The following KIAA1549 variants were observed in gnomAD, a reference collection of about 807,000 sequenced individuals.
The protein encoded by KIAA1549 is UPF0606 protein KIAA1549.
In KIAA1549, 70 loss-of-function variants were observed where a neutral mutation model predicts 156.4. That is an observed-to-expected ratio of 0.45 (90% confidence interval 0.37 to 0.55). The LOEUF is 0.55. KIAA1549 is among the 20% of genes least tolerant of loss of function. The probability of loss-of-function intolerance (pLI) is 0.00; values close to 1 mark genes in which losing one functional copy is unlikely to be tolerated. For missense variants in KIAA1549, 2,428 were observed against 2,540.9 expected (o/e 0.96, Z 0.96); for synonymous variants, 1,103 against 1,066.4 (o/e 1.03, Z -0.67).
rs752720614 is a variant in KIAA1549, at chr7:138,881,409, T to C, written c.4208A>G (p.Lys1403Arg). Reference protein sequence around the residue: ...VPSPKSKIPSKNVRHRGRVSP... With the variant: ...VPSPKSKIPSRNVRHRGRVSP... ...TAACCTTCCTCTGTGACGAACATTC[T>C]TGGAAGGGATCTTTGACTTGGGGCT... Residue 1403 changes from lysine (K) to arginine (R), a missense_variant, in exon 11 of 20, where the codon AAG (lysine) becomes AGG (arginine). Physicochemically the swap from Lys to Arg is conservative, Grantham distance 26. Around this residue, in one of 5 missense-constraint regions of KIAA1549, gnomAD observed 404 missense variants for 417.0 expected, o/e 0.97. Transcript: ENST00000422774. 6.8e-6 allele frequency: 11 copies of C among 1,613,658 alleles called. No homozygotes were observed. The East Asian group carries it at 2.2e-4, about 33-fold the overall frequency.
chr7:138,868,248 G>A, intron 14 of KIAA1549, 120 bp from the exon 15 acceptor site: 3 of 918,012 alleles, frequency 3.3e-6, no homozygotes, highest in South Asian at 1.6e-5. Context: ...CACCCCATAG[G>A]ATATAAACGC....
In KIAA1549 at chr7:138,844,344, G is replaced by A. The variant is rs372096178; in HGVS notation, c.5425C>T (p.Arg1809Trp). The change falls in exon 18 of 20, where the codon CGG (arginine) becomes TGG (tryptophan). Residue 1809 changes from arginine (R) to tryptophan (W), a missense_variant. Around this residue, in one of 5 missense-constraint regions of KIAA1549, gnomAD observed 363 missense variants for 354.0 expected, o/e 1.03. Transcript: ENST00000422774. The stretch of plus-strand genomic sequence containing the variant: ...GTGGTACCCCCGACAGGCCGAGGCC[G>A]GGCCACCGACGGCATCTCCTCCGAG... ...IYSEEMPSVA[R>W]PRPVGGTTGS... 2.5e-6 allele frequency: 4 copies of A among 1,613,876 alleles called. No individual in the cohort carries two copies. Among genetic ancestry groups the A allele is most frequent in the South Asian group, 2.2e-5 (2 of 91,066 alleles).
intron 1 of KIAA1549, among the ~76,000 whole-genome samples, chr7:138,977,846 C>T (rs1206828575): frequency 3.3e-5 from 5 of 152,112 alleles, no homozygotes; most frequent in Non-Finnish European, 5.9e-5. Context: ...ATTACAGGCA[C>T]ATGCCACCAC....
At chr7:138,939,182 A>G (rs960059935) in intron 1 of KIAA1549, among the ~76,000 whole-genome samples, 14 of 152,220 alleles carry the variant, frequency 9.2e-5, no homozygotes, top group African/African-American at 3.1e-4. Context: ...AGCATCTCTG[A>G]TAAGGACTTT....
intron 16 of KIAA1549, among the ~76,000 whole-genome samples, chr7:138,859,219 T>C (rs1157348939): frequency 1.3e-5 from 2 of 152,154 alleles, no homozygotes; most frequent in Non-Finnish European, 2.9e-5. Context: ...CTGGAGTCTC[T>C]TCCTCATTTT....
At chr7:138,869,462 C>A (rs1810854510) in intron 14 of KIAA1549, 76 bp downstream of exon 14, 29 of 1,157,310 alleles carry the variant, frequency 2.5e-5, no homozygotes, top group Non-Finnish European at 2.5e-6. Context: ...AGCAGAGGGG[C>A]TCCTGTCCTG....
chr7:138,924,006 T>TAA (rs1180270854), intron 1 of KIAA1549, among the ~76,000 whole-genome samples: 1 of 152,222 alleles, frequency 6.6e-6, no homozygotes, highest in African/African-American at 2.4e-5. Flanking sequence ...TTTTAATCGA[T>TAA]ATTTTAAGTT....
chr7:138,835,076 A>T lies in KIAA1549; in HGVS notation c.*2830T>A, dbSNP rs1809667516. 2 of 225,158 alleles carry T rather than the reference A, an allele frequency of 8.9e-6. No individual in the cohort carries two copies. The highest frequency in any genetic ancestry group is 1.8e-5 in the Non-Finnish European group (2 of 113,046). The allele number at this position is 225,158 out of a possible 1,614,324, so 13.9% of individuals were successfully genotyped here. A position where few individuals can be genotyped will look rare whatever the true frequency, so the allele number is the denominator to read the frequency against. ...GGAAAAAAGAATAGACATAAAATTC[A>T]ACTGTTCATTGTAGAGTGCTTCCAT... On this transcript the variant is annotated 3_prime_UTR_variant, in exon 20 of 20. Transcript: ENST00000422774.
chr7:138,881,243 G>T, intron 11 of KIAA1549, 145 bp downstream of exon 11: 1 of 727,456 alleles, frequency 1.4e-6, no homozygotes. Flanking sequence ...TTGGGCTCCT[G>T]TGTGACTTTG....
At chr7:138,895,034 C>G (rs1382841720) in intron 9 of KIAA1549, among the ~76,000 whole-genome samples, 2 of 152,128 alleles carry the variant, frequency 1.3e-5, no homozygotes, top group African/African-American at 4.8e-5. Flanking sequence ...GGAAGAAAAC[C>G]CTTCATCTCT....
chr7:138,971,027 G>A (rs564247911), intron 1 of KIAA1549, among the ~76,000 whole-genome samples: 1 of 152,180 alleles, frequency 6.6e-6, no homozygotes, highest in Non-Finnish European at 1.5e-5. Context: ...CACTAGGAGT[G>A]AGGAGCCCTC....
Position 138,918,273 on chromosome 7 carries a change from C to G in KIAA1549, c.1353G>C (p.Leu451=), listed in dbSNP as rs1384719337. Residue 451 remains leucine (L), a synonymous_variant, in exon 2 of 20, where the codon CTG becomes CTC. Coordinates refer to ENST00000422774, the MANE Select transcript of KIAA1549 (RefSeq NM_001164665.2). This position sits in a 1 kb window ranked among gnomAD's most constrained non-coding sequence, Gnocchi z 4.2. The stretch of plus-strand genomic sequence containing the variant: ...TGCTTTCTTCCAGCACGGTCATGCA[C>G]AGAGTCTCGGCACCATCCCCTGATC... ...DVGSGDGAET[L]CMTVLEESSI... is the part of the protein sequence containing the mutation. 1 of 1,614,024 alleles carries G rather than the reference C, an allele frequency of 6.2e-7. No individual in the cohort carries two copies. Among genetic ancestry groups the G allele is most frequent in the Admixed American group, 1.7e-5 (1 of 60,030 alleles).
chr7:138,882,364 A>T lies in KIAA1549; in HGVS notation c.4033-780T>A, dbSNP rs6974263. ...TTGAGGACGTGAATTTCACGTGAAG[A>T]GTGAAAGTGACGTTAAGGGAAAGAG... On this transcript the variant is annotated intron_variant, in intron 10 of 19. Coordinates refer to ENST00000422774, the MANE Select transcript of KIAA1549 (RefSeq NM_001164665.2). Among the ~76,000 whole-genome samples, 248 of 152,204 alleles carry T rather than the reference A, an allele frequency of 1.6e-3. 2 individuals are homozygous for T. The highest frequency in any genetic ancestry group is 5.6e-3 in the African/African-American group (232 of 41,530).
At chr7:138,916,514 A>G (rs545001316) in intron 2 of KIAA1549, among the ~76,000 whole-genome samples, 72 of 152,378 alleles carry the variant, frequency 4.7e-4, no homozygotes, top group African/African-American at 1.6e-3. Flanking sequence ...CAACAGCCCA[A>G]TGAAGCAGGT....
In KIAA1549 at chr7:138,905,062, G is replaced by C. The variant is rs1420924353; in HGVS notation, c.3480C>G (p.Leu1160=). The change falls in exon 7 of 20, where the codon CTC becomes CTG. Residue 1160 remains leucine (L), a synonymous_variant. Coordinates refer to ENST00000422774, the MANE Select transcript of KIAA1549 (RefSeq NM_001164665.2). The stretch of plus-strand genomic sequence containing the variant: ...AGGACTTCAGCAACTGAGATAAGTT[G>C]AGCTGTGGATACTGGAAGGCTACAA... ...QIAEPFQYPQ[L]NLSQLLKSSW... 1 of 1,576,750 alleles carries C rather than the reference G, an allele frequency of 6.3e-7. No homozygotes were observed. The highest frequency in any genetic ancestry group is 1.3e-5 in the African/African-American group (1 of 74,154).
intron 10 of KIAA1549, among the ~76,000 whole-genome samples, chr7:138,890,250 C>T (rs1408910867): frequency 4.6e-5 from 7 of 152,222 alleles, no homozygotes; most frequent in Admixed American, 4.6e-4. Context: ...AAATACAGTA[C>T]AGCCCAGGTG....
Position 138,918,417 on chromosome 7 carries a change from C to T in KIAA1549, c.1209G>A (p.Val403=). ...CCGGGCTCAGGATATGAGTGTTGTC[C>T]ACAGGACCGGGGAGGGCTGAATTGC... ...LHSNSALPGP[V]DNTHILSPVS... is the part of the protein sequence containing the mutation. The change falls in exon 2 of 20, where the codon GTG becomes GTA. Residue 403 remains valine (V), a synonymous_variant. Coordinates refer to ENST00000422774, the MANE Select transcript of KIAA1549 (RefSeq NM_001164665.2). The surrounding 1 kb of genome is among the most constrained non-coding windows in gnomAD (Gnocchi z 4.2). 1.2e-6 allele frequency: 2 copies of T among 1,613,918 alleles called. No homozygotes were observed. The highest frequency in any genetic ancestry group is 1.7e-6 in the Non-Finnish European group (2 of 1,179,866).
In KIAA1549 at chr7:138,833,212, T is replaced by C. The variant is rs1029297374; in HGVS notation, c.*4694A>G. 6 of 232,644 alleles carry C rather than the reference T, an allele frequency of 2.6e-5. No individual in the cohort carries two copies. The highest frequency in any genetic ancestry group is 1.1e-4 in the African/African-American group (5 of 45,434). 14.4% of individuals were successfully genotyped at this position (232,644 alleles called of 1,614,324 possible). On this transcript the variant is annotated 3_prime_UTR_variant, in exon 20 of 20. Transcript: ENST00000422774. ...GTGGGAGTTAAGACCGGAGTCCTCC[T>C]TCCCCTGTGCCCAAAACGTTACCCA...
rs192251791 is a variant in KIAA1549, at chr7:138,909,027, T to G, written c.3240A>C (p.Arg1080Ser). Residue 1080 changes from arginine (R) to serine (S), a missense_variant, in exon 5 of 20, where the codon AGA (arginine) becomes AGC (serine). Arg to Ser is a moderately radical substitution (Grantham distance 110). Around this residue, in one of 5 missense-constraint regions of KIAA1549, gnomAD observed 762 missense variants for 901.6 expected, o/e 0.85. Coordinates refer to ENST00000422774, the MANE Select transcript of KIAA1549 (RefSeq NM_001164665.2). ...KGLMTALFEV[R>S]KHHQGTYNLT... ...GGTTATACGTTCCCTGGTGGTGTTT[T>G]CTCACTTCAAAGAGAGCTGTCATTA... 6 of 1,614,062 alleles carry G rather than the reference T, an allele frequency of 3.7e-6. No homozygotes were observed. The South Asian group carries it at 6.6e-5, about 18-fold the overall frequency.
Sources: gnomAD v4.1 joint callset for allele counts (sites outside exome capture counted in the v4.1 genomes callset) on GRCh38, gnomAD v4.1.1 for gene constraint, gnomAD v4.1.1 regional missense constraint, Gnocchi (gnomAD v3.1) non-coding constraint, MANE v1.5 for transcripts, NCBI Gene and HGNC (gene_info 2026-07-23, HGNC 2026-07-21) for gene names.